Variants in ENPP3 observed in about 807,000 individuals in gnomAD.
ENPP3 encodes the protein ectonucleotide pyrophosphatase/phosphodiesterase 3, also known as ectonucleotide pyrophosphatase/phosphodiesterase family member 3.
Under a neutral mutation model 117.8 loss-of-function variants are expected in ENPP3, and 104 were observed. That is an observed-to-expected ratio of 0.88 (90% CI 0.75 to 1.04). The LOEUF (loss-of-function observed/expected upper bound fraction) is 1.04. Ranked by LOEUF, ENPP3 falls within the 50% of genes least tolerant of loss-of-function variation. The pLI, the probability that ENPP3 is intolerant of heterozygous loss-of-function variation, is 0.00. For synonymous variants in ENPP3, 380 were observed against 349.9 expected (o/e 1.09, Z -0.96); for missense variants, 1,026 against 1,051.9 (o/e 0.98, Z 0.34).
At chr6:131,641,115 A>T (rs987159662) in intron 1 of ENPP3, among the ~76,000 whole-genome samples, 11 of 151,788 alleles carry the variant, frequency 7.2e-5, no homozygotes, top group Admixed American at 5.2e-4. Context: ...TGCCTGGTTT[A>T]AAAAAAATGG....
rs370067603 is a variant in ENPP3, at chr6:131,674,821, C to T, written c.763-259C>T. Among the ~76,000 whole-genome samples the T allele has an allele frequency of 1.2e-3, 183 of 152,112 alleles. 2 individuals are homozygous for T. Among genetic ancestry groups the T allele is most frequent in the African/African-American group, 3.5e-3 (146 of 41,492 alleles). ...TCCTGACCTCGTGATCCTCCTGCCT[C>T]GGCCTCCCAAAGTGCTGGGATTACA... On this transcript the variant is annotated intron_variant, in intron 8 of 24. Transcript: ENST00000357639.
At chr6:131,676,983 C>G (rs952004034) in intron 10 of ENPP3, among the ~76,000 whole-genome samples, 182 bp downstream of exon 10, 1 of 151,930 alleles carries the variant, frequency 6.6e-6, no homozygotes, top group Non-Finnish European at 1.5e-5. Flanking sequence ...CTCGTGTAAT[C>G]TCAGCACTTT....
chr6:131,677,652 A>G (rs1279908650), intron 10 of ENPP3, among the ~76,000 whole-genome samples: 2 of 152,140 alleles, frequency 1.3e-5, no homozygotes, highest in African/African-American at 4.8e-5. Context: ...ATAGGGGCGT[A>G]CCACTGCTTG....
intron 1 of ENPP3, among the ~76,000 whole-genome samples, chr6:131,639,090 G>A (rs1219247826): frequency 1.3e-5 from 2 of 151,820 alleles, no homozygotes; most frequent in Non-Finnish European, 2.9e-5. Context: ...GCTATTCTCT[G>A]TCTCTCCAGA....
At chr6:131,645,107 C>G (rs1266962122) in intron 2 of ENPP3, among the ~76,000 whole-genome samples, 2 of 152,222 alleles carry the variant, frequency 1.3e-5, no homozygotes, top group East Asian at 3.9e-4. Context: ...ACTTGCCAAC[C>G]AACCTATGCC....
chr6:131,713,315 C>A (rs1030764166), intron 15 of ENPP3, among the ~76,000 whole-genome samples: 2 of 151,098 alleles, frequency 1.3e-5, no homozygotes, highest in African/African-American at 4.9e-5. Context: ...CAGACTAATA[C>A]ACCTGCCAAG....
At chr6:131,727,247 G>T (rs1001919910) in intron 20 of ENPP3, among the ~76,000 whole-genome samples, 2 of 152,046 alleles carry the variant, frequency 1.3e-5, no homozygotes, top group African/African-American at 2.4e-5. Context: ...ATGCAATAAG[G>T]AAAATGTAAA....
chr6:131,693,765 A>T, intron 15 of ENPP3, 141 bp downstream of exon 15: 1 of 781,194 alleles, frequency 1.3e-6, no homozygotes. Context: ...TATGCTATTT[A>T]GCAGTTCTGC....
chr6:131,733,813 A>G, intron 21 of ENPP3, 90 bp downstream of exon 21: 2 of 1,366,414 alleles, frequency 1.5e-6, no homozygotes, highest in Non-Finnish European at 2.0e-6. Context: ...TCCCCACCAA[A>G]ACTACCTGCT....
intron 5 of ENPP3, among the ~76,000 whole-genome samples, chr6:131,657,321 T>C (rs1261124193): frequency 6.6e-6 from 1 of 152,176 alleles, no homozygotes; most frequent in Non-Finnish European, 1.5e-5. Flanking sequence ...GAAAGATAGC[T>C]CATGTCCCTT....
At chr6:131,690,085 C>G (rs765285148) in intron 14 of ENPP3, among the ~76,000 whole-genome samples, 67 of 152,086 alleles carry the variant, frequency 4.4e-4, no homozygotes, top group Non-Finnish European at 1.2e-4. Context: ...GGAATCTAAC[C>G]CTGTGAAGAT....
chr6:131,640,235 G>T (rs1385966651), intron 1 of ENPP3, among the ~76,000 whole-genome samples: 1 of 152,166 alleles, frequency 6.6e-6, no homozygotes, highest in East Asian at 1.9e-4. Context: ...TTACCAGAAG[G>T]AGTTCCCCAA....
intron 21 of ENPP3, among the ~76,000 whole-genome samples, chr6:131,735,788 A>C (rs1780384533): frequency 6.6e-6 from 1 of 152,062 alleles, no homozygotes; most frequent in Admixed American, 6.6e-5. Flanking sequence ...ATAGAATCAG[A>C]GAGTGAAATG....
chr6:131,739,242 G>C (rs999460997), intron 23 of ENPP3, among the ~76,000 whole-genome samples: 2 of 152,152 alleles, frequency 1.3e-5, no homozygotes, highest in African/African-American at 4.8e-5. Context: ...ATTTATACCA[G>C]CTTGTATTCC....
intron 14 of ENPP3, among the ~76,000 whole-genome samples, chr6:131,689,461 A>G (rs1027034502): frequency 1.3e-5 from 2 of 152,184 alleles, no homozygotes; most frequent in African/African-American, 4.8e-5. Context: ...ACAAAGCCTG[A>G]TGACAGCTTA....
At chr6:131,738,215 C>T (rs766997292) in intron 23 of ENPP3, 52 bp downstream of exon 23, 5 of 1,454,052 alleles carry the variant, frequency 3.4e-6, no homozygotes, top group South Asian at 2.4e-5. Context: ...AGGGGAAATT[C>T]CAATATTTTA....
At chr6:131,742,888 G>A (rs1253022530) in intron 24 of ENPP3, among the ~76,000 whole-genome samples, 1 of 152,152 alleles carries the variant, frequency 6.6e-6, no homozygotes, top group Non-Finnish European at 1.5e-5. Context: ...ATTCAAAGTA[G>A]AAGTGATCTC....
intron 6 of ENPP3, among the ~76,000 whole-genome samples, chr6:131,663,385 G>A (rs1778544687): frequency 6.6e-6 from 1 of 151,756 alleles, no homozygotes; most frequent in Non-Finnish European, 1.5e-5. Flanking sequence ...TTATAATGGA[G>A]TTGAGAAATT....
chr6:131,672,183 T>A (rs1342627172), intron 7 of ENPP3, among the ~76,000 whole-genome samples: 1 of 152,224 alleles, frequency 6.6e-6, no homozygotes, highest in Non-Finnish European at 1.5e-5. Context: ...CCAATGCTTA[T>A]ATTCCTAGCT....
Sources: gnomAD v4.1 joint callset for allele counts (sites outside exome capture counted in the v4.1 genomes callset) on GRCh38, gnomAD v4.1.1 for gene constraint, MANE v1.5 for transcripts, NCBI Gene and HGNC (gene_info 2026-07-23, HGNC 2026-07-21) for gene names.